The following CNTN4 variants were observed in gnomAD, a reference collection of about 807,000 sequenced individuals.
The protein encoded by CNTN4 is contactin-4.
In CNTN4, 77 loss-of-function variants were observed where a neutral mutation model predicts 122.5. The observed-to-expected ratio is 0.63, with a 90% CI of 0.52 to 0.76. The LOEUF (loss-of-function observed/expected upper bound fraction) is 0.76, where lower values mean the gene tolerates loss of function less well. Among genes scored for constraint, CNTN4 ranks in the 30% least tolerant of loss-of-function variants. The probability of loss-of-function intolerance (pLI) is 0.00; values close to 1 mark genes in which losing one functional copy is unlikely to be tolerated. For synonymous variants in CNTN4, 512 were observed against 447.0 expected, an observed-to-expected ratio of 1.15 and a Z score of -1.83; for missense variants, 1,256 against 1,259.1, an observed-to-expected ratio of 1.00 and a Z score of 0.04.
chr3:2,471,038 T>A (rs2075667490), intron 3 of CNTN4, among the ~76,000 whole-genome samples: 1 of 152,214 alleles, frequency 6.6e-6, no homozygotes, highest in Non-Finnish European at 1.5e-5. Flanking sequence ...TGAATTAATT[T>A]TGTTGAATGA....
intron 14 of CNTN4, among the ~76,000 whole-genome samples, chr3:3,023,380 A>G (rs1191529639): frequency 6.6e-6 from 1 of 152,232 alleles, no homozygotes; most frequent in African/African-American, 2.4e-5. Flanking sequence ...TCCTTGACTC[A>G]GGGAACTTCT....
chr3:2,574,807 C>A (rs2079585718), intron 4 of CNTN4, among the ~76,000 whole-genome samples: 1 of 152,070 alleles, frequency 6.6e-6, no homozygotes, highest in Non-Finnish European at 1.5e-5. Context: ...TTAATCTGTG[C>A]CCGGCTCTAC....
intron 2 of CNTN4, among the ~76,000 whole-genome samples, chr3:2,187,510 G>A (rs1018054493): frequency 3.3e-5 from 5 of 152,088 alleles, no homozygotes; most frequent in African/African-American, 1.2e-4. Context: ...AGTCCCTTGG[G>A]GGCGTGATTC....
At chr3:2,431,204 C>G (rs1443618340) in intron 3 of CNTN4, among the ~76,000 whole-genome samples, 5 of 152,064 alleles carry the variant, frequency 3.3e-5, no homozygotes, top group African/African-American at 9.7e-5. Context: ...ATGGGCCGCA[C>G]CTGTACTAGA....
chr3:2,538,182 ACAAGC>A (rs1384926232), intron 3 of CNTN4, among the ~76,000 whole-genome samples: 18 of 152,142 alleles, frequency 1.2e-4, no homozygotes, highest in Non-Finnish European at 2.5e-4. Flanking sequence ...GTTATTCTGC[ACAAGC>A]CAGGAAACCA....
intron 4 of CNTN4, among the ~76,000 whole-genome samples, chr3:2,585,235 T>C (rs1475417557): frequency 6.6e-6 from 1 of 152,006 alleles, no homozygotes; most frequent in Non-Finnish European, 1.5e-5. Context: ...TTTTACACTG[T>C]TGGTGGGACT....
At chr3:3,009,464 T>G (rs557115081) in intron 14 of CNTN4, among the ~76,000 whole-genome samples, 10 of 151,956 alleles carry the variant, frequency 6.6e-5, no homozygotes, top group Admixed American at 2.0e-4. Context: ...GATGGAGTCT[T>G]GCTCTGTCGC....
intron 2 of CNTN4, among the ~76,000 whole-genome samples, chr3:2,261,866 A>G (rs931344680): frequency 2.1e-4 from 32 of 152,132 alleles, no homozygotes; most frequent in African/African-American, 7.2e-4. Context: ...TGTGTGTGGG[A>G]TGCATGTTGA....
chr3:2,562,859 G>T (rs965094760), intron 3 of CNTN4, among the ~76,000 whole-genome samples: 1 of 151,948 alleles, frequency 6.6e-6, no homozygotes, highest in Non-Finnish European at 1.5e-5. Flanking sequence ...AAGTAACTGG[G>T]GCTAAAGGCA....
intron 3 of CNTN4, among the ~76,000 whole-genome samples, chr3:2,540,010 A>G (rs2077969396): frequency 1.3e-5 from 2 of 152,004 alleles, no homozygotes; most frequent in East Asian, 1.9e-4. Flanking sequence ...ACAGGTATCT[A>G]TTATTAAAAT....
At chr3:2,171,566 T>C (rs1360181990) in intron 2 of CNTN4, among the ~76,000 whole-genome samples, 1 of 152,188 alleles carries the variant, frequency 6.6e-6, no homozygotes, top group African/African-American at 2.4e-5. Context: ...ATTTCCAATT[T>C]GGGTTAAAAA....
At chr3:2,324,153 C>T (rs189134218) in intron 2 of CNTN4, among the ~76,000 whole-genome samples, 406 of 152,162 alleles carry the variant, frequency 2.7e-3, no homozygotes, top group Middle Eastern at 0.014. Flanking sequence ...TGTCCTCTGG[C>T]GGGGAGGGGG....
At chr3:2,471,546 C>G (rs893423289) in intron 3 of CNTN4, among the ~76,000 whole-genome samples, 1 of 152,142 alleles carries the variant, frequency 6.6e-6, no homozygotes, top group African/African-American at 2.4e-5. Context: ...TATTTCCCTT[C>G]CGAAATAGTT....
At chr3:2,301,172 A>G (rs1048670332) in intron 2 of CNTN4, among the ~76,000 whole-genome samples, 4 of 152,202 alleles carry the variant, frequency 2.6e-5, no homozygotes, top group Non-Finnish European at 5.9e-5. Context: ...CAAACACATC[A>G]CAGATGCACT....
intron 3 of CNTN4, among the ~76,000 whole-genome samples, chr3:2,488,814 A>G (rs1426023611): frequency 6.6e-6 from 1 of 152,226 alleles, no homozygotes; most frequent in Non-Finnish European, 1.5e-5. Context: ...TTCTCTATGC[A>G]TTAGTACATT....
chr3:2,771,292 T>A (rs1302655822), intron 6 of CNTN4, among the ~76,000 whole-genome samples: 1 of 152,264 alleles, frequency 6.6e-6, no homozygotes, highest in Admixed American at 6.5e-5. Context: ...TATCTTTAAA[T>A]ACTCTACAAC....
chr3:2,331,339 A>G (rs1016688633), intron 2 of CNTN4, among the ~76,000 whole-genome samples: 1 of 152,148 alleles, frequency 6.6e-6, no homozygotes, highest in Non-Finnish European at 1.5e-5. Flanking sequence ...GAATCAAGCC[A>G]TTCATATACA....
At chr3:2,570,970 C>T (rs1044421403) in intron 3 of CNTN4, among the ~76,000 whole-genome samples, 3 of 152,236 alleles carry the variant, frequency 2.0e-5, no homozygotes, top group East Asian at 1.9e-4. Flanking sequence ...TTTTCCCACA[C>T]GATATAACTC....
At chr3:2,775,297 G>A (rs114598348) in intron 6 of CNTN4, among the ~76,000 whole-genome samples, 46 of 152,022 alleles carry the variant, frequency 3.0e-4, no homozygotes, top group African/African-American at 1.1e-3. Flanking sequence ...TTCTCCTCCC[G>A]TGTTCTCCCA....
Sources: gnomAD v4.1 joint callset for allele counts (sites outside exome capture counted in the v4.1 genomes callset) on GRCh38, gnomAD v4.1.1 for gene constraint, MANE v1.5 for transcripts, NCBI Gene and HGNC (gene_info 2026-07-23, HGNC 2026-07-21) for gene names.